EXOC2: variants seen among roughly 807,000 people sequenced by gnomAD.
The protein encoded by EXOC2 is exocyst complex component 2.
A neutral mutation model predicts 131.8 loss-of-function variants in EXOC2; 70 were observed. The observed-to-expected ratio is 0.53, with a 90% CI of 0.44 to 0.65. The LOEUF (loss-of-function observed/expected upper bound fraction) is 0.65. Ranked by LOEUF, EXOC2 falls within the 30% of genes least tolerant of loss-of-function variation. EXOC2 has a pLI of 0.00. For synonymous variants in EXOC2, 411 were observed against 398.4 expected, an observed-to-expected ratio of 1.03 and a Z score of -0.38; for missense variants, 923 against 1,108.6, an observed-to-expected ratio of 0.83 and a Z score of 2.38.
At chr6:656,893 G>A (rs756578192) in intron 1 of EXOC2, 1 of 1,596,380 alleles carries the variant, frequency 6.3e-7, no homozygotes, top group African/African-American at 1.3e-5. Flanking sequence ...CCGCTGACGT[G>A]AATGAACAGC....
intron 22 of EXOC2, among the ~76,000 whole-genome samples, chr6:545,421 A>C (rs768109385): frequency 1.2e-4 from 19 of 152,194 alleles, no homozygotes; most frequent in Non-Finnish European, 2.6e-4. Flanking sequence ...GGTATGAAAG[A>C]ATTTGGTTGG....
At chr6:604,055 T>G (rs1371362226) in intron 7 of EXOC2, among the ~76,000 whole-genome samples, 5 of 152,150 alleles carry the variant, frequency 3.3e-5, no homozygotes, top group African/African-American at 1.2e-4. Flanking sequence ...TTTACCCCCG[T>G]TTTATGTTGG....
intron 22 of EXOC2, 118 bp from the exon 23 acceptor site, chr6:532,728 A>C: frequency 2.0e-6 from 2 of 1,011,666 alleles, no homozygotes; most frequent in South Asian, 6.0e-5. Context: ...TTTCCTACAA[A>C]AACTCGTGAC....
At chr6:589,844 C>A (rs977323221) in intron 11 of EXOC2, among the ~76,000 whole-genome samples, 1 of 152,196 alleles carries the variant, frequency 6.6e-6, no homozygotes, top group Non-Finnish European at 1.5e-5. Flanking sequence ...TGGTAGCTCA[C>A]GCCTGTAATC....
At chr6:511,109 C>G (rs1294239763) in intron 23 of EXOC2, among the ~76,000 whole-genome samples, 1 of 152,222 alleles carries the variant, frequency 6.6e-6, no homozygotes, top group Non-Finnish European at 1.5e-5. Context: ...CCCTATTTTC[C>G]TGCGTGGTCC....
chr6:497,356 G>T lies in EXOC2; in HGVS notation c.2559+11C>A, dbSNP rs202130748. On this transcript the variant is annotated intron_variant, in intron 25 of 27. Coordinates refer to ENST00000230449, the MANE Select transcript of EXOC2 (RefSeq NM_018303.6). ...ACAGAAGTTCAATATGAAATTGAAT[G>T]ATTTTGTTACCTGTAAAGCTCCATT... 3 of 1,610,846 alleles carry T rather than the reference G, an allele frequency of 1.9e-6. No individual in the cohort carries two copies. Among genetic ancestry groups the T allele is most frequent in the Non-Finnish European group, 2.5e-6 (3 of 1,178,690 alleles).
chr6:609,118 C>T (rs2127661054), intron 7 of EXOC2, among the ~76,000 whole-genome samples: 1 of 152,320 alleles, frequency 6.6e-6, no homozygotes, highest in African/African-American at 2.4e-5. Context: ...ACCAAGAGAA[C>T]ACTTCTTTCT....
chr6:515,324 G>T (rs1765084883), intron 23 of EXOC2, among the ~76,000 whole-genome samples: 1 of 152,190 alleles, frequency 6.6e-6, no homozygotes, highest in South Asian at 2.1e-4. Flanking sequence ...GAAGGTAAAT[G>T]AAAATACATG....
chr6:551,968 G>GTTCC (rs1757165945), intron 21 of EXOC2, among the ~76,000 whole-genome samples: 2 of 152,188 alleles, frequency 1.3e-5, no homozygotes, highest in African/African-American at 4.8e-5. Context: ...TGAGGGTAGG[G>GTTCC]TTCCCCAGCT....
chr6:692,540 A>G (rs1482223679), intron 1 of EXOC2, among the ~76,000 whole-genome samples: 4 of 152,278 alleles, frequency 2.6e-5, no homozygotes, highest in Admixed American at 2.6e-4. Context: ...ACGTGCACGC[A>G]AACGCTGACA....
intron 23 of EXOC2, among the ~76,000 whole-genome samples, chr6:510,874 A>C (rs1379569780): frequency 1.3e-5 from 2 of 152,234 alleles, no homozygotes; most frequent in Admixed American, 1.3e-4. Flanking sequence ...AGTGAAAGTG[A>C]CAAGAAAACA....
At chr6:684,232 T>C (rs1012016322) in intron 1 of EXOC2, among the ~76,000 whole-genome samples, 3 of 152,062 alleles carry the variant, frequency 2.0e-5, no homozygotes, top group Admixed American at 6.5e-5. Context: ...CAGGAGAGTC[T>C]TCCCTATGTG....
intron 5 of EXOC2, 104 bp from the exon 6 acceptor site, chr6:617,939 G>A: frequency 2.3e-6 from 3 of 1,310,176 alleles, no homozygotes; most frequent in Non-Finnish European, 3.1e-6. Flanking sequence ...CCGATGCTAA[G>A]TAGCACACAG....
intron 25 of EXOC2, among the ~76,000 whole-genome samples, chr6:497,128 C>G (rs144583051): frequency 1.0e-3 from 158 of 152,296 alleles, no homozygotes; most frequent in African/African-American, 3.6e-3. Flanking sequence ...TTGAAGGATT[C>G]TGCATTCAGA....
intron 11 of EXOC2, among the ~76,000 whole-genome samples, chr6:582,168 T>A (rs1040640663): frequency 1.3e-5 from 2 of 152,198 alleles, no homozygotes; most frequent in African/African-American, 4.8e-5. Context: ...TCTGTAGGAC[T>A]TCCAGGAAAC....
chr6:609,992 G>A (rs1360303662), intron 7 of EXOC2, 106 bp downstream of exon 7: 15 of 854,630 alleles, frequency 1.8e-5, no homozygotes, highest in Non-Finnish European at 2.6e-5. Flanking sequence ...GAAATAAATA[G>A]TAAAATGCAA....
rs769224066 is a variant in EXOC2 at position 637,681 on chromosome 6, C to T, written c.118+20G>A. On this transcript the variant is annotated intron_variant, in intron 2 of 27. Transcript: ENST00000230449. The stretch of plus-strand genomic sequence containing the variant: ...TAAAAATCCGATTAGCAGGGTGCGT[C>T]GCAGGGCCTCTGCCCTTACCTATGA... 1.1e-5 allele frequency: 17 copies of T among 1,578,782 alleles called. No individual in the cohort carries two copies. Among genetic ancestry groups the T allele is most frequent in the East Asian group, 9.0e-5 (4 of 44,398 alleles).
intron 1 of EXOC2, among the ~76,000 whole-genome samples, chr6:675,605 TCCCCATAC>T (rs1764079975): frequency 2.7e-5 from 1 of 37,500 alleles, no homozygotes; most frequent in African/African-American, 6.3e-5. Context: ...CAACTGCGGT[TCCCCATAC>T]TCTTCAGCAT....
intron 1 of EXOC2, chr6:656,337 T>C (rs1377112277): frequency 5.0e-6 from 8 of 1,614,164 alleles, no homozygotes; most frequent in African/African-American, 4.0e-5. Context: ...ATTTTTAAAA[T>C]AACTTTGAAT....
Sources: allele counts gnomAD v4.1 joint callset (sites outside exome capture counted in the v4.1 genomes callset), GRCh38; gene constraint gnomAD v4.1.1; transcripts MANE v1.5; gene names NCBI Gene and HGNC (gene_info 2026-07-23, HGNC 2026-07-21).